The following PTCHD1 variants were observed in gnomAD, a reference collection of about 807,000 sequenced individuals.
PTCHD1 encodes patched domain containing 1, also known as patched domain-containing protein 1.
In PTCHD1, 3 loss-of-function variants were observed where a neutral mutation model predicts 34.6. The observed-to-expected ratio is 0.09, with a 90% CI of 0.04 to 0.22. PTCHD1 has a LOEUF of 0.22. Ranked by LOEUF, PTCHD1 falls within the 10% of genes least tolerant of loss-of-function variation. PTCHD1 has a pLI of 1.00. For synonymous variants in PTCHD1, 305 were observed against 283.1 expected, an observed-to-expected ratio of 1.08 and a Z score of -0.77; for missense variants, 504 against 685.5, an observed-to-expected ratio of 0.74 and a Z score of 2.96.
Position 23,394,413 on chromosome X carries a change from C to CAT in PTCHD1, c.*229_*230insTA. On this transcript the variant is annotated 3_prime_UTR_variant, in exon 3 of 3. Coordinates refer to ENST00000379361, the MANE Select transcript of PTCHD1 (RefSeq NM_173495.3). Reference sequence around the variant, plus strand: ...ATGAGAATTCACACACACATAGACACACACACACACACACACACACACACA... The same window carrying CAT: ...ATGAGAATTCACACACACATAGACACATACACACACACACACACACACACACA... The CAT allele has an allele frequency of 8.4e-6, 2 of 236,827 alleles. No individual in the cohort carries two copies. Among genetic ancestry groups the CAT allele is most frequent in the Non-Finnish European group, 1.4e-5 (2 of 144,371 alleles). 19.5% of individuals were successfully genotyped at this position (236,827 alleles called of 1,213,427 possible). A position where few individuals can be genotyped will look rare whatever the true frequency, so the allele number is the denominator to read the frequency against.
At chrX:23,361,359 A>G (rs760589815) in intron 1 of PTCHD1, among the ~76,000 whole-genome samples, 72 of 111,979 alleles carry the variant, frequency 6.4e-4, no homozygotes, top group African/African-American at 2.1e-3. Context: ...TATATTTAGG[A>G]TAGTTAGTTC....
intron 1 of PTCHD1, among the ~76,000 whole-genome samples, chrX:23,368,715 T>C (rs949077582): frequency 2.7e-5 from 3 of 112,165 alleles, no homozygotes; most frequent in African/African-American, 9.7e-5. Context: ...CTGTAAAGTT[T>C]TGTTTTGTTT....
chrX:23,360,019 A>C (rs1334629139), intron 1 of PTCHD1, among the ~76,000 whole-genome samples: 2 of 111,898 alleles, frequency 1.8e-5, no homozygotes, highest in Non-Finnish European at 3.8e-5. Context: ...GTGGTGGATA[A>C]CCTTTTTGAT....
At chrX:23,362,954 G>A (rs1397171330) in intron 1 of PTCHD1, among the ~76,000 whole-genome samples, 1 of 112,523 alleles carries the variant, frequency 8.9e-6, no homozygotes, top group African/African-American at 3.2e-5. Flanking sequence ...GGTATCACCA[G>A]TGGAGGCTGC....
chrX:23,351,030 C>G (rs1921619453), intron 1 of PTCHD1: 3 of 380,554 alleles, frequency 7.9e-6, no homozygotes, highest in Non-Finnish European at 1.4e-5. Flanking sequence ...TCTACTTTTC[C>G]TATCCTGATT....
chrX:23,393,748 T>A lies in PTCHD1; in HGVS notation c.2230T>A (p.Leu744Ile). The stretch of plus-strand genomic sequence containing the variant: ...GTTTGGAGTGATAGGTTTCATGACA[T>A]TATGGAAAGTAGAACTGGACTGCAT... ...VEFGVIGFMT[L>I]WKVELDCISV... is the part of the protein sequence containing the mutation. Residue 744 changes from leucine (L) to isoleucine (I), a missense_variant, in exon 3 of 3, where the codon TTA becomes ATA. Coordinates refer to ENST00000379361, the MANE Select transcript of PTCHD1 (RefSeq NM_173495.3). 1 of 1,211,483 alleles carries A rather than the reference T, an allele frequency of 8.3e-7. No homozygotes were observed. Among genetic ancestry groups the A allele is most frequent in the Non-Finnish European group, 1.1e-6 (1 of 895,257 alleles).
At chrX:23,362,922 C>T (rs1465067644) in intron 1 of PTCHD1, among the ~76,000 whole-genome samples, 2 of 112,308 alleles carry the variant, frequency 1.8e-5, no homozygotes, top group African/African-American at 6.5e-5. Flanking sequence ...GCTGGAGGTC[C>T]ACTCCAGACC....
At chrX:23,340,106 C>T (rs1257447356) in intron 1 of PTCHD1, among the ~76,000 whole-genome samples, 1 of 111,808 alleles carries the variant, frequency 8.9e-6, no homozygotes, top group Non-Finnish European at 1.9e-5. Context: ...TACCCAGCCC[C>T]AAATGTTAAT....
intron 1 of PTCHD1, among the ~76,000 whole-genome samples, chrX:23,366,099 A>G (rs1331845313): frequency 8.9e-6 from 1 of 112,334 alleles, no homozygotes; most frequent in East Asian, 2.8e-4. Flanking sequence ...GCCTTGGCTA[A>G]GCTGTCCAGA....
intron 1 of PTCHD1, among the ~76,000 whole-genome samples, chrX:23,347,652 A>C (rs1435361218): frequency 1.8e-5 from 2 of 112,070 alleles, no homozygotes; most frequent in East Asian, 5.6e-4. Flanking sequence ...GAGACAAAGG[A>C]AACATCAAAA....
Position 23,392,977 on chromosome X carries a change from C to G in PTCHD1, c.1459C>G (p.Leu487Val), listed in dbSNP as rs778023702. The G allele has an allele frequency of 8.3e-7, 1 of 1,210,316 alleles. No individual in the cohort carries two copies. The highest frequency in any genetic ancestry group is 1.7e-5 in the African/African-American group (1 of 57,387). ...TYESHLLVCFLKRYYCDWITN... is the reference protein window; with the variant it reads ...TYESHLLVCFVKRYYCDWITN... ...CGAGAGTCACCTATTGGTATGTTTC[C>G]TCAAACGCTATTACTGTGACTGGAT... is the stretch of plus-strand genomic sequence containing the variant. The change falls in exon 3 of 3, where the codon CTC (leucine) becomes GTC (valine). Residue 487 changes from leucine to valine, a missense_variant. Physicochemically the swap from Leu to Val is conservative, Grantham distance 32. Transcript: ENST00000379361.
intron 1 of PTCHD1, among the ~76,000 whole-genome samples, chrX:23,361,020 G>T (rs936160432): frequency 8.9e-6 from 1 of 112,309 alleles, no homozygotes; most frequent in Middle Eastern, 4.6e-3. Context: ...GAGACAGTTG[G>T]TTGTGATTTC....
chrX:23,343,935 T>C (rs1037226314), intron 1 of PTCHD1, among the ~76,000 whole-genome samples: 1 of 112,613 alleles, frequency 8.9e-6, no homozygotes, highest in Non-Finnish European at 1.9e-5. Context: ...TGTTGGATTT[T>C]GTTTTTGGTC....
At chrX:23,355,448 T>C (rs1312789762) in intron 1 of PTCHD1, among the ~76,000 whole-genome samples, 1 of 112,904 alleles carries the variant, frequency 8.9e-6, no homozygotes, top group Non-Finnish European at 1.9e-5. Context: ...TTTTGCTCCT[T>C]TTCAACTGAA....
intron 1 of PTCHD1, among the ~76,000 whole-genome samples, chrX:23,352,620 C>T (rs1365906458): frequency 1.8e-5 from 2 of 111,189 alleles, no homozygotes; most frequent in Admixed American, 9.5e-5. Flanking sequence ...GTGTGACCTC[C>T]GAGGATCACA....
At chrX:23,391,262 C>T (rs1404420527) in intron 2 of PTCHD1, among the ~76,000 whole-genome samples, 1 of 111,601 alleles carries the variant, frequency 9.0e-6, no homozygotes, top group Admixed American at 9.6e-5. Context: ...TGATCTGGCT[C>T]TTTCCCACAG....
intron 2 of PTCHD1, among the ~76,000 whole-genome samples, chrX:23,390,984 C>G (rs1922814868): frequency 8.9e-6 from 1 of 111,744 alleles, no homozygotes; most frequent in Non-Finnish European, 1.9e-5. Flanking sequence ...ATCTGCTGAT[C>G]CCCATTGCCA....
intron 1 of PTCHD1, among the ~76,000 whole-genome samples, chrX:23,376,348 A>G (rs1316666561): frequency 8.9e-6 from 1 of 111,994 alleles, no homozygotes; most frequent in East Asian, 2.8e-4. Flanking sequence ...ACCTAGTTCA[A>G]TAACAAGCTT....
rs770795521 is a variant in PTCHD1, at chrX:23,394,971, T to C, written c.*786T>C. 3.7e-4 allele frequency: 42 copies of C among 112,668 alleles called. No homozygotes were observed. Among genetic ancestry groups the C allele is most frequent in the African/African-American group, 1.2e-3 (36 of 31,042 alleles). 9.3% of individuals were successfully genotyped at this position (112,668 alleles called of 1,213,427 possible). ...GAATTGGTGTGATTCTACTTTGGAA[T>C]AGCTTGTCACTTGTCACCAAATGGG... On this transcript the variant is annotated 3_prime_UTR_variant, in exon 3 of 3. Coordinates refer to ENST00000379361, the MANE Select transcript of PTCHD1 (RefSeq NM_173495.3).
Sources: allele counts gnomAD v4.1 joint callset (sites outside exome capture counted in the v4.1 genomes callset), GRCh38; gene constraint gnomAD v4.1.1; transcripts MANE v1.5; gene names NCBI Gene and HGNC (gene_info 2026-07-23, HGNC 2026-07-21).